The following GABBR2 variants were observed in gnomAD, a reference collection of about 807,000 sequenced individuals.
GABBR2 encodes the protein gamma-aminobutyric acid type B receptor subunit 2.
GABBR2 carries 23 observed loss-of-function variants against 105.6 expected under a neutral mutation model. The ratio of observed to expected loss-of-function variants is 0.22; its 90% CI spans 0.16 to 0.31. GABBR2 has a LOEUF of 0.31. Ranked by LOEUF, GABBR2 falls within the 10% of genes least tolerant of loss-of-function variation. The probability of loss-of-function intolerance (pLI) is 1.00; values close to 1 mark genes in which losing one functional copy is unlikely to be tolerated. For synonymous variants in GABBR2, 478 were observed against 499.7 expected, an observed-to-expected ratio of 0.96 and a Z score of 0.58; for missense variants, 734 against 1,245.5, an observed-to-expected ratio of 0.59 and a Z score of 6.18.
intron 7 of GABBR2, among the ~76,000 whole-genome samples, chr9:98,413,600 G>C (rs1208006856): frequency 6.6e-6 from 1 of 152,222 alleles, no homozygotes. Flanking sequence ...CAGTAGGTTT[G>C]CAGGGAACTG....
intron 4 of GABBR2, among the ~76,000 whole-genome samples, chr9:98,495,484 T>C (rs1353233389): frequency 6.6e-6 from 1 of 151,998 alleles, no homozygotes. Context: ...CTTACAAACC[T>C]CCAGGAAGTC....
chr9:98,706,579 G>C (rs923132101), intron 1 of GABBR2, among the ~76,000 whole-genome samples: 1 of 152,076 alleles, frequency 6.6e-6, no homozygotes, highest in East Asian at 1.9e-4. Flanking sequence ...AAATGTAAAG[G>C]CTTCAACCCA....
At chr9:98,694,712 C>A (rs118063659) in intron 1 of GABBR2, among the ~76,000 whole-genome samples, 6,049 of 152,314 alleles carry the variant, frequency 0.04, 177 homozygotes, top group Non-Finnish European at 0.059. Flanking sequence ...CTTCTTAAAG[C>A]CCTTTCACAT....
At chr9:98,295,274 T>A (rs543861152) in intron 17 of GABBR2, among the ~76,000 whole-genome samples, 1 of 152,238 alleles carries the variant, frequency 6.6e-6, no homozygotes, top group Non-Finnish European at 1.5e-5. Flanking sequence ...TTAGCTTTTA[T>A]ATTGTAAATA....
At chr9:98,468,918 G>A (rs1035481724) in intron 6 of GABBR2, among the ~76,000 whole-genome samples, 3 of 152,160 alleles carry the variant, frequency 2.0e-5, no homozygotes, top group African/African-American at 7.2e-5. Flanking sequence ...ATGGCAGAGG[G>A]GAAGGGGCGC....
intron 1 of GABBR2, among the ~76,000 whole-genome samples, chr9:98,651,325 G>A (rs1830102355): frequency 6.6e-6 from 1 of 151,826 alleles, no homozygotes; most frequent in Non-Finnish European, 1.5e-5. Flanking sequence ...TTTATTTTTA[G>A]TAGAGACAGG....
chr9:98,433,667 G>A (rs949839269), intron 7 of GABBR2, among the ~76,000 whole-genome samples: 6 of 152,174 alleles, frequency 3.9e-5, no homozygotes, highest in Middle Eastern at 3.2e-3. Context: ...CATGTTCAAG[G>A]CCTCTTTGAT....
chr9:98,652,773 G>A (rs1830127498), intron 1 of GABBR2, among the ~76,000 whole-genome samples: 1 of 152,206 alleles, frequency 6.6e-6, no homozygotes, highest in Admixed American at 6.5e-5. Context: ...CTGGCACCAG[G>A]TGGCCTTACC....
chr9:98,707,820 C>A (rs993627303), intron 1 of GABBR2, among the ~76,000 whole-genome samples: 1 of 152,228 alleles, frequency 6.6e-6, no homozygotes, highest in African/African-American at 2.4e-5. Flanking sequence ...CAGGCAGAAG[C>A]GCTGCAGAGC....
chr9:98,538,105 T>C (rs1004606150), intron 3 of GABBR2, among the ~76,000 whole-genome samples: 1 of 152,216 alleles, frequency 6.6e-6, no homozygotes, highest in Admixed American at 6.5e-5. Flanking sequence ...AATGGCTATT[T>C]AGTGAGCACC....
At chr9:98,626,494 A>T (rs10081642) in intron 1 of GABBR2, among the ~76,000 whole-genome samples, 42 of 152,254 alleles carry the variant, frequency 2.8e-4, no homozygotes, top group African/African-American at 9.9e-4. Context: ...GAAATCGTAG[A>T]GAGGTAGTGA....
rs181184878 is a variant in GABBR2 at position 98,319,706 on chromosome 9, G to T, written c.1894-8501C>A. Among the ~76,000 whole-genome samples, 641 of 152,232 alleles carry T rather than the reference G, an allele frequency of 4.2e-3. 4 individuals are homozygous for T. The highest frequency in any genetic ancestry group is 6.6e-3 in the Admixed American group (101 of 15,292). ...CTCCCCATTTCCAAACACGAATGGG[G>T]TTCTGCATTGATCCAGTTTCTCTTC... is the stretch of plus-strand genomic sequence containing the variant. On this transcript the variant is annotated intron_variant, in intron 13 of 18. Transcript: ENST00000259455.
chr9:98,343,313 G>A (rs1831246250), intron 13 of GABBR2, among the ~76,000 whole-genome samples: 3 of 152,300 alleles, frequency 2.0e-5, no homozygotes, highest in African/African-American at 7.2e-5. Context: ...GGCAGCCTCA[G>A]GATCCTGCCA....
At chr9:98,369,511 G>T (rs1316214401) in intron 12 of GABBR2, among the ~76,000 whole-genome samples, 1 of 152,188 alleles carries the variant, frequency 6.6e-6, no homozygotes, top group African/African-American at 2.4e-5. Context: ...ACATTCTACA[G>T]ATGAGGACAC....
chr9:98,341,334 C>T (rs1831210334), intron 13 of GABBR2, among the ~76,000 whole-genome samples: 1 of 152,230 alleles, frequency 6.6e-6, no homozygotes, highest in Non-Finnish European at 1.5e-5. Flanking sequence ...GCTGTGGACA[C>T]CCTTAAAATG....
At chr9:98,516,669 G>A (rs531703928) in intron 3 of GABBR2, among the ~76,000 whole-genome samples, 25 of 152,202 alleles carry the variant, frequency 1.6e-4, no homozygotes, top group African/African-American at 5.3e-4. Flanking sequence ...TCCTGACCCC[G>A]AGGGTGGCAC....
At chr9:98,554,784 G>A (rs144495873) in intron 2 of GABBR2, among the ~76,000 whole-genome samples, 16 of 152,114 alleles carry the variant, frequency 1.1e-4, no homozygotes, top group Admixed American at 2.6e-4. Flanking sequence ...ATTATTTGAC[G>A]TAAAGAAGAT....
At chr9:98,433,088 T>G (rs1199277062) in intron 7 of GABBR2, among the ~76,000 whole-genome samples, 1 of 152,154 alleles carries the variant, frequency 6.6e-6, no homozygotes, top group Non-Finnish European at 1.5e-5. Context: ...TAAACATGAA[T>G]TACTGAAGCA....
intron 7 of GABBR2, among the ~76,000 whole-genome samples, chr9:98,411,093 T>A (rs116650649): frequency 0.027 from 4,105 of 152,286 alleles, 152 homozygotes; most frequent in African/African-American, 0.08. Flanking sequence ...AGAGCAGATT[T>A]GGAATACAAA....
Sources: gnomAD v4.1 joint callset for allele counts (sites outside exome capture counted in the v4.1 genomes callset) on GRCh38, gnomAD v4.1.1 for gene constraint, MANE v1.5 for transcripts, NCBI Gene and HGNC (gene_info 2026-07-23, HGNC 2026-07-21) for gene names.